VAC14: variants seen among roughly 807,000 people sequenced by gnomAD.
VAC14 encodes the protein VAC14 component of PIKFYVE complex, also known as protein VAC14 homolog.
Under a neutral mutation model 85.3 loss-of-function variants are expected in VAC14, and 47 were observed. That is an observed-to-expected ratio of 0.55 (90% CI 0.44 to 0.70). The LOEUF (loss-of-function observed/expected upper bound fraction) is 0.70, where lower values mean the gene tolerates loss of function less well. VAC14 is among the 30% of genes least tolerant of loss of function. VAC14 has a pLI of 0.00. For missense variants in VAC14, 861 were observed against 1,004.3 expected (o/e 0.86, Z 1.93); for synonymous variants, 447 against 430.5 (o/e 1.04, Z -0.47).
At chr16:70,737,697 G>T (rs1567552740) in intron 13 of VAC14, among the ~76,000 whole-genome samples, 1 of 152,252 alleles carries the variant, frequency 6.6e-6, no homozygotes, top group South Asian at 2.1e-4. Flanking sequence ...AGTGAAACCT[G>T]ATGTGGTGAC....
rs751072126 is a variant in VAC14 at position 70,785,832 on chromosome 16, A to G, written c.293T>C (p.Val98Ala). ...GTCTGCATCATTGAAGCAGGTCAGC[A>G]CTGGCTCGATCAGCTCCTTCAGGTA... is the stretch of plus-strand genomic sequence containing the variant. ...GLYLKELIEP[V>A]LTCFNDADSR... is the part of the protein sequence containing the mutation. Residue 98 changes from valine (V) to alanine (A), a missense_variant, in exon 3 of 19, where the codon GTG becomes GCG. By Grantham distance (64) the Val-to-Ala change is moderately conservative (BLOSUM62 0). Coordinates refer to ENST00000261776, the MANE Select transcript of VAC14 (RefSeq NM_018052.5). 5 of 1,604,802 alleles carry G rather than the reference A, an allele frequency of 3.1e-6. No homozygotes were observed. The highest frequency in any genetic ancestry group is 4.3e-6 in the Non-Finnish European group (5 of 1,175,274).
At chr16:70,781,355 TC>T (rs1266345565) in intron 8 of VAC14, among the ~76,000 whole-genome samples, 1 of 152,188 alleles carries the variant, frequency 6.6e-6, no homozygotes, top group African/African-American at 2.4e-5. Context: ...CCTCAGGTAT[TC>T]CTTTATAGCA....
At chr16:70,767,961 T>G (rs1317854620) in intron 10 of VAC14, among the ~76,000 whole-genome samples, 1 of 152,160 alleles carries the variant, frequency 6.6e-6, no homozygotes, top group Non-Finnish European at 1.5e-5. Flanking sequence ...CATGACTCAC[T>G]GCACCCTCAA....
chr16:70,784,836 C>T lies in VAC14; in HGVS notation c.426G>A (p.Leu142=), dbSNP rs1374229840. ...TCACATTGGGGTCTGGGTCGGCTGC[C>T]AGCTGCAAGAGGCACAGACAGGGGA... ...FNVLFDGLSK[L]AADPDPNVKS... is the part of the protein sequence containing the mutation. The change falls in exon 4 of 19, where the codon CTG becomes CTA. Residue 142 remains leucine, a splice_region_variant and synonymous_variant. Transcript: ENST00000261776. 7 of 1,614,030 alleles carry T rather than the reference C, an allele frequency of 4.3e-6. No individual in the cohort carries two copies. Among genetic ancestry groups the T allele is most frequent in the Non-Finnish European group, 5.9e-6 (7 of 1,180,008 alleles).
chr16:70,697,369 C>CG, intron 15 of VAC14, 112 bp from the exon 16 acceptor site: 1 of 791,710 alleles, frequency 1.3e-6, no homozygotes. Flanking sequence ...GGCCTTCAGT[C>CG]GGGGGCAGCC....
chr16:70,775,857 C>T (rs2033489592), intron 9 of VAC14, among the ~76,000 whole-genome samples: 1 of 152,234 alleles, frequency 6.6e-6, no homozygotes, highest in African/African-American at 2.4e-5. Context: ...CTCTCCTGTG[C>T]TTTCATGCAG....
intron 13 of VAC14, among the ~76,000 whole-genome samples, chr16:70,737,856 G>T (rs1447910549): frequency 6.6e-6 from 1 of 152,244 alleles, no homozygotes; most frequent in Non-Finnish European, 1.5e-5. Flanking sequence ...AACAGAACCA[G>T]ATGTGAAAAC....
intron 12 of VAC14, chr16:70,754,959 T>A (rs914156924): frequency 5.2e-5 from 8 of 154,290 alleles, no homozygotes; most frequent in African/African-American, 1.9e-4. Flanking sequence ...GGGAGTGGAG[T>A]CAGGACCACA....
At chr16:70,750,286 C>T (rs966013723) in intron 12 of VAC14, among the ~76,000 whole-genome samples, 1 of 152,196 alleles carries the variant, frequency 6.6e-6, no homozygotes, top group Non-Finnish European at 1.5e-5. Context: ...GGAAGCCACA[C>T]CAATTAGTAT....
intron 14 of VAC14, among the ~76,000 whole-genome samples, chr16:70,721,873 T>TC (rs2054301975): frequency 6.6e-6 from 1 of 151,712 alleles, no homozygotes; most frequent in Non-Finnish European, 1.5e-5. Flanking sequence ...GGCAGGCGTG[T>TC]CCCCCCACAT....
rs542069069 is a variant in VAC14, at chr16:70,784,008, G to A, written c.594+105C>T. 9.0e-5 allele frequency: 80 copies of A among 887,146 alleles called. 1 individual carries two copies. The South Asian group carries it at 1.1e-3, about 12-fold the overall frequency. 55.0% of individuals were successfully genotyped at this position (887,146 alleles called of 1,614,324 possible). A position where few individuals can be genotyped will look rare whatever the true frequency, so the allele number is the denominator to read the frequency against. ...TATCAGGTGTTAATGGCTATTCAAG[G>A]GAGAACATGGAGGGTTCCTATAGCC... On this transcript the variant is annotated intron_variant, in intron 5 of 18. Coordinates refer to ENST00000261776, the MANE Select transcript of VAC14 (RefSeq NM_018052.5).
intron 10 of VAC14, chr16:70,766,419 A>G (rs909389405): frequency 2.2e-6 from 1 of 453,068 alleles, no homozygotes. Flanking sequence ...TTCGTGTATT[A>G]ACATTCTCCA....
rs137960141 is a variant in VAC14, at chr16:70,708,295, C to T, written c.1662-9484G>A. 2.0e-5 allele frequency among the ~76,000 whole-genome samples: 3 copies of T among 152,356 alleles called. No individual in the cohort carries two copies. The East Asian group carries it at 5.8e-4, about 29-fold the overall frequency. ...CCTGGTTCCTTTTCAGCTTACACCA[C>T]AAGGCCTAGGGCTGGGCCCCTACAG... is the stretch of plus-strand genomic sequence containing the variant. On this transcript the variant is annotated intron_variant, in intron 14 of 18. Coordinates refer to ENST00000261776, the MANE Select transcript of VAC14 (RefSeq NM_018052.5).
intron 1 of VAC14, among the ~76,000 whole-genome samples, chr16:70,791,098 C>T (rs2034317326): frequency 6.6e-6 from 1 of 152,210 alleles, no homozygotes; most frequent in Non-Finnish European, 1.5e-5. Context: ...TCCTGCTGGG[C>T]TCCCAGCACA....
At chr16:70,775,887 A>C (rs887757631) in intron 9 of VAC14, among the ~76,000 whole-genome samples, 1 of 152,228 alleles carries the variant, frequency 6.6e-6, no homozygotes, top group Non-Finnish European at 1.5e-5. Context: ...GCTGAGGGGA[A>C]GGATTGGGCA....
At chr16:70,741,667 C>T (rs1394265508) in intron 13 of VAC14, among the ~76,000 whole-genome samples, 1 of 152,244 alleles carries the variant, frequency 6.6e-6, no homozygotes, top group Non-Finnish European at 1.5e-5. Flanking sequence ...GCTGCAGGCA[C>T]TTCCTTGGTG....
chr16:70,771,880 C>T (rs899581401), intron 10 of VAC14: 4 of 520,992 alleles, frequency 7.7e-6, no homozygotes, highest in Non-Finnish European at 1.4e-5. Flanking sequence ...CATGTCTGGC[C>T]CCCAGTGGCT....
chr16:70,744,629 G>A, intron 12 of VAC14, 50 bp from the exon 13 acceptor site: 1 of 1,522,310 alleles, frequency 6.6e-7, no homozygotes, highest in Non-Finnish European at 8.8e-7. Flanking sequence ...TGAGAGCTGT[G>A]CTGACCTGGG....
chr16:70,738,904 T>G (rs1288381493), intron 13 of VAC14, among the ~76,000 whole-genome samples: 1 of 151,542 alleles, frequency 6.6e-6, no homozygotes. Context: ...CAGCTGGGGG[T>G]CTAAGAGGTC....
Sources: allele counts gnomAD v4.1 joint callset (sites outside exome capture counted in the v4.1 genomes callset), GRCh38; gene constraint gnomAD v4.1.1; transcripts MANE v1.5; gene names NCBI Gene and HGNC (gene_info 2026-07-23, HGNC 2026-07-21).